Variants in DGKI observed in about 807,000 individuals in gnomAD.
The protein encoded by DGKI is DAG kinase iota.
A neutral mutation model predicts 147.5 loss-of-function variants in DGKI; 55 were observed. The observed-to-expected ratio is 0.37, with a 90% CI of 0.30 to 0.47. The LOEUF (loss-of-function observed/expected upper bound fraction) is 0.47. Among genes scored for constraint, DGKI ranks in the 20% least tolerant of loss-of-function variants. The probability of loss-of-function intolerance (pLI) is 1.00; values close to 1 mark genes in which losing one functional copy is unlikely to be tolerated. For missense variants in DGKI, 1,007 were observed against 1,323.8 expected (o/e 0.76, Z 3.71); for synonymous variants, 469 against 477.1 (o/e 0.98, Z 0.22).
At chr7:137,555,957 T>TA (rs140058828) in intron 19 of DGKI, among the ~76,000 whole-genome samples, 16,628 of 152,194 alleles carry the variant, frequency 0.11, 2,052 homozygotes, top group African/African-American at 0.3. Flanking sequence ...TTCATGATCA[T>TA]AATGCCAAAA....
chr7:137,578,408 C>T, intron 15 of DGKI, 83 bp from the exon 16 acceptor site: 1 of 946,794 alleles, frequency 1.1e-6, no homozygotes, highest in Non-Finnish European at 1.7e-6. Context: ...TCCTCCCCAG[C>T]TCCCTCCTAT....
At chr7:137,644,295 G>C (rs1471374553) in intron 6 of DGKI, among the ~76,000 whole-genome samples, 1 of 152,194 alleles carries the variant, frequency 6.6e-6, no homozygotes, top group Non-Finnish European at 1.5e-5. Context: ...CAGGATAAAA[G>C]AGAACCAACT....
chr7:137,774,257 T>C (rs746317272), intron 1 of DGKI, among the ~76,000 whole-genome samples: 1 of 152,146 alleles, frequency 6.6e-6, no homozygotes, highest in Non-Finnish European at 1.5e-5. Context: ...TTTTCACTGT[T>C]GGAAAAGGGG....
At chr7:137,656,396 A>T in intron 4 of DGKI, 70 bp downstream of exon 4, 1 of 1,539,008 alleles carries the variant, frequency 6.5e-7, no homozygotes, top group Non-Finnish European at 8.9e-7. Flanking sequence ...GGAACTGGAA[A>T]TTTACACCGG....
At chr7:137,443,968 T>C in intron 28 of DGKI, 109 bp downstream of exon 28, 1 of 889,362 alleles carries the variant, frequency 1.1e-6, no homozygotes, top group South Asian at 1.7e-5. Flanking sequence ...ACAAAGCCAA[T>C]ATCTTAGAGA....
At chr7:137,670,542 T>C (rs1469469135) in intron 3 of DGKI, among the ~76,000 whole-genome samples, 2 of 152,162 alleles carry the variant, frequency 1.3e-5, no homozygotes, top group African/African-American at 2.4e-5. Context: ...CACCCCACTC[T>C]CTCCCTCTCT....
At chr7:137,656,386 G>T in intron 4 of DGKI, 80 bp downstream of exon 4, 1 of 1,462,652 alleles carries the variant, frequency 6.8e-7, no homozygotes, top group Non-Finnish European at 9.5e-7. Context: ...TCAAAAAGTT[G>T]GAACTGGAAA....
rs189038459 is a variant in DGKI, at chr7:137,754,239, T to C, written c.402-64237A>G. On this transcript the variant is annotated intron_variant, in intron 1 of 32. Coordinates refer to ENST00000614521, the MANE Select transcript of DGKI (RefSeq NM_001321708.2). The stretch of plus-strand genomic sequence containing the variant: ...GCTTCACTCCCACCAGAAATGCTCC[T>C]ACGTGGAGGAAGAGTATCAGCCTCT... 3.7e-4 allele frequency among the ~76,000 whole-genome samples: 57 copies of C among 152,252 alleles called. 2 individuals carry two copies. In the East Asian group the frequency reaches 0.011, roughly 28 times the overall value.
intron 27 of DGKI, among the ~76,000 whole-genome samples, chr7:137,455,207 C>A (rs1259188873): frequency 6.6e-6 from 1 of 152,048 alleles, no homozygotes; most frequent in Non-Finnish European, 1.5e-5. Context: ...ACATCTCCTC[C>A]CACCCCACCC....
At chr7:137,740,885 T>G (rs1795154515) in intron 1 of DGKI, among the ~76,000 whole-genome samples, 1 of 152,168 alleles carries the variant, frequency 6.6e-6, no homozygotes, top group Non-Finnish European at 1.5e-5. Flanking sequence ...AGATTGGAAG[T>G]AGAACAAGCT....
chr7:137,618,153 T>TATATATATATATATATATATATA (rs1563114668), intron 8 of DGKI, among the ~76,000 whole-genome samples: 3 of 9,642 alleles, frequency 3.1e-4, no homozygotes, highest in African/African-American at 5.5e-4. Flanking sequence ...ATATATATAT[T>TATATATATATATATATATATATA]TTTTTTTTTT....
At chr7:137,472,230 T>TATAATATATGTATATATACAC (rs1563039852) in intron 23 of DGKI, among the ~76,000 whole-genome samples, 5 of 88,366 alleles carry the variant, frequency 5.7e-5, no homozygotes, top group African/African-American at 2.3e-4. Context: ...TATATATACA[T>TATAATATATGTATATATACAC]ATAATATATG....
intron 1 of DGKI, among the ~76,000 whole-genome samples, chr7:137,744,879 A>G (rs1301023501): frequency 1.3e-5 from 2 of 152,196 alleles, no homozygotes; most frequent in African/African-American, 4.8e-5. Context: ...ATTAGGTATC[A>G]AGAAAAATAT....
At chr7:137,764,457 T>C (rs901658034) in intron 1 of DGKI, among the ~76,000 whole-genome samples, 4 of 152,198 alleles carry the variant, frequency 2.6e-5, no homozygotes, top group Non-Finnish European at 5.9e-5. Context: ...ATAGCATCCC[T>C]TGTAGCAGTA....
At chr7:137,700,680 C>A (rs147259663) in intron 1 of DGKI, among the ~76,000 whole-genome samples, 2 of 152,080 alleles carry the variant, frequency 1.3e-5, no homozygotes, top group Admixed American at 1.3e-4. Flanking sequence ...GAGTTTGAGA[C>A]CAGCCTGGCC....
At chr7:137,649,448 C>T (rs571493063) in intron 5 of DGKI, among the ~76,000 whole-genome samples, 2 of 152,026 alleles carry the variant, frequency 1.3e-5, no homozygotes, top group Non-Finnish European at 2.9e-5. Context: ...TTTTATTGCT[C>T]GTCAATAACT....
chr7:137,832,931 G>A (rs1798260002), intron 1 of DGKI, among the ~76,000 whole-genome samples: 1 of 152,122 alleles, frequency 6.6e-6, no homozygotes, highest in African/African-American at 2.4e-5. Flanking sequence ...TCTAGGGCAG[G>A]GGCAAAATGC....
intron 30 of DGKI, among the ~76,000 whole-genome samples, chr7:137,403,170 T>G (rs1221311562): frequency 6.6e-6 from 1 of 152,118 alleles, no homozygotes; most frequent in African/African-American, 2.4e-5. Context: ...CCTGCATCCT[T>G]AGTCTCTCTC....
chr7:137,649,940 C>T (rs1821966425), intron 5 of DGKI, among the ~76,000 whole-genome samples: 1 of 151,684 alleles, frequency 6.6e-6, no homozygotes. Flanking sequence ...TATGCAAATG[C>T]CAGGGCATAG....
Sources: allele counts gnomAD v4.1 joint callset (sites outside exome capture counted in the v4.1 genomes callset), GRCh38; gene constraint gnomAD v4.1.1; transcripts MANE v1.5; gene names NCBI Gene and HGNC (gene_info 2026-07-23, HGNC 2026-07-21).